Variants in NGEF observed in about 807,000 individuals in gnomAD.
NGEF encodes the protein ephexin-1.
A neutral mutation model predicts 80.9 loss-of-function variants in NGEF; 31 were observed. The ratio of observed to expected loss-of-function variants is 0.38; its 90% CI spans 0.29 to 0.52. NGEF has a LOEUF of 0.52. Among genes scored for constraint, NGEF ranks in the 20% least tolerant of loss-of-function variants. NGEF has a pLI of 0.84. For missense variants in NGEF, 709 were observed against 926.2 expected (o/e 0.77, Z 3.04); for synonymous variants, 371 against 370.2 (o/e 1.00, Z -0.03).
chr2:232,882,263 C>T lies in NGEF; in HGVS notation c.1760G>A (p.Ser587Asn), dbSNP rs1367292378. The part of the protein sequence containing the change: ...ATYMLKASSQ[S>N]EMKRWMTSLA... ...TGAGGTCATCCAACGCTTCATCTCACTCCTGGCACAGGGAAGAGGACAGTG... is the reference window on the plus strand; with the variant it reads ...TGAGGTCATCCAACGCTTCATCTCATTCCTGGCACAGGGAAGAGGACAGTG... Residue 587 changes from serine (S) to asparagine (N), a missense_variant and splice_region_variant, in exon 13 of 15, where the codon AGT (serine) becomes AAT (asparagine). Physicochemically the swap from Ser to Asn is conservative, Grantham distance 46. Coordinates refer to ENST00000264051, the MANE Select transcript of NGEF (RefSeq NM_019850.3). 5.0e-6 allele frequency: 8 copies of T among 1,613,402 alleles called. No homozygotes were observed. The highest frequency in any genetic ancestry group is 2.2e-5 in the East Asian group (1 of 44,870).
At chr2:232,982,352 C>A (rs1000940946) in intron 1 of NGEF, among the ~76,000 whole-genome samples, 3 of 152,152 alleles carry the variant, frequency 2.0e-5, no homozygotes, top group African/African-American at 4.8e-5. Context: ...TTGAACCTAC[C>A]ATCAAGGGGG....
chr2:232,927,865 C>T, intron 3 of NGEF: 3 of 1,250,786 alleles, frequency 2.4e-6, no homozygotes, highest in Non-Finnish European at 3.0e-6. Context: ...GGCGGCGCGC[C>T]GGGGCCGGGA....
intron 5 of NGEF, among the ~76,000 whole-genome samples, chr2:232,907,188 G>GAAA (rs10654316): frequency 0.14 from 16,196 of 112,972 alleles, 1,525 homozygotes; most frequent in Non-Finnish European, 0.19. Flanking sequence ...AGAAAAAAAA[G>GAAA]AAAAAAAAAA....
chr2:232,969,805 C>T lies in NGEF; in HGVS notation c.383+409G>A, dbSNP rs192158675. On this transcript the variant is annotated intron_variant, in intron 3 of 14. Transcript: ENST00000264051. ...CTGAGATTACAGGTGTGAGCCACCACGCCGGCTGTGATTTTTCTATTCTAT... is the reference window on the plus strand; with the variant it reads ...CTGAGATTACAGGTGTGAGCCACCATGCCGGCTGTGATTTTTCTATTCTAT... 1.4e-3 allele frequency among the ~76,000 whole-genome samples: 220 copies of T among 152,160 alleles called. 2 individuals are homozygous for T. Among genetic ancestry groups the T allele is most frequent in the Middle Eastern group, 0.014 (4 of 294 alleles).
chr2:233,012,925 G>C (rs1029677401), intron 1 of NGEF, 143 bp downstream of exon 1: 1 of 470,360 alleles, frequency 2.1e-6, no homozygotes, highest in South Asian at 1.6e-5. Context: ...GGAATCCAGG[G>C]CTGCTGTTTC....
intron 5 of NGEF, among the ~76,000 whole-genome samples, chr2:232,900,744 ACT>A (rs879656804): frequency 0.018 from 2,051 of 110,978 alleles, 67 homozygotes; most frequent in African/African-American, 0.036. Flanking sequence ...ATACACGTTC[ACT>A]CACATTCACT....
In NGEF at chr2:232,879,427, C is replaced by CCCA; in HGVS notation, c.*61_*62insTGG. On this transcript the variant is annotated 3_prime_UTR_variant, in exon 15 of 15. Transcript: ENST00000264051. ...TGGCCTGTGCTTCCCAGAGCCCCCC[C>CCCA]CCCCCCACCTTCTGTCGGGGTCTCA... 1 of 1,439,156 alleles carries CCCA rather than the reference C, an allele frequency of 6.9e-7. No individual in the cohort carries two copies. Among genetic ancestry groups the CCCA allele is most frequent in the South Asian group, 1.4e-5 (1 of 73,736 alleles). The allele number at this position is 1,439,156 out of a possible 1,614,324, so 89.1% of individuals were successfully genotyped here. A position where few individuals can be genotyped will look rare whatever the true frequency, so the allele number is the denominator to read the frequency against.
intron 3 of NGEF, among the ~76,000 whole-genome samples, chr2:232,948,147 A>ATATGTG (rs1553553128): frequency 0.026 from 3,710 of 141,642 alleles, 168 homozygotes; most frequent in African/African-American, 0.088. Context: ...TAGCCTGGAG[A>ATATGTG]TGTGTGTGTG....
intron 3 of NGEF, chr2:232,928,232 G>A: frequency 1.1e-6 from 1 of 942,952 alleles, no homozygotes; most frequent in Non-Finnish European, 1.3e-6. Context: ...CGCGGCGGGG[G>A]CGAGGCCGGG....
rs939273686 is a variant in NGEF at position 232,892,772 on chromosome 2, G to A, written c.1142+126C>T. Reference sequence around the variant, plus strand: ...TCCCTGGCCAACTCCGGTGGCTCATGTGGACCTTGGGAACGCAGAGGTAAA... The same window carrying A: ...TCCCTGGCCAACTCCGGTGGCTCATATGGACCTTGGGAACGCAGAGGTAAA... On this transcript the variant is annotated intron_variant, in intron 7 of 14. Transcript: ENST00000264051. The surrounding 1 kb of genome is among the most constrained non-coding windows in gnomAD (Gnocchi z 4.0). 6 of 1,073,898 alleles carry A rather than the reference G, an allele frequency of 5.6e-6. No individual in the cohort carries two copies. The African/African-American group carries it at 7.8e-5, about 14-fold the overall frequency. 66.5% of individuals were successfully genotyped at this position (1,073,898 alleles called of 1,614,324 possible).
chr2:232,984,665 C>T (rs1574653725), intron 1 of NGEF, among the ~76,000 whole-genome samples: 1 of 152,060 alleles, frequency 6.6e-6, no homozygotes, highest in Non-Finnish European at 1.5e-5. Flanking sequence ...AATGAGCCAT[C>T]GGTGTGGGTG....
rs749763136 is a variant in NGEF, at chr2:232,894,860, G to A, written c.885C>T (p.Leu295=). The A allele has an allele frequency of 7.3e-5, 118 of 1,610,794 alleles. No individual in the cohort carries two copies. Among genetic ancestry groups the A allele is most frequent in the Non-Finnish European group, 9.2e-5 (108 of 1,178,304 alleles). ...EASYYKSLNL[L]VSHFMENERI... is the part of the protein sequence containing the mutation. ...GCTCGTTCTCCATGAAGTGGGACAC[G>A]AGCAGGTTCAGACTCTTGTAGTAGG... Residue 295 remains leucine, a synonymous_variant, in exon 6 of 15, where the codon CTC becomes CTT. Transcript: ENST00000264051.
In NGEF at chr2:232,879,428, C is replaced by A. The variant is rs1051088616; in HGVS notation, c.*61G>T. On this transcript the variant is annotated 3_prime_UTR_variant, in exon 15 of 15. Coordinates refer to ENST00000264051, the MANE Select transcript of NGEF (RefSeq NM_019850.3). ...GGCCTGTGCTTCCCAGAGCCCCCCC[C>A]CCCCCACCTTCTGTCGGGGTCTCAT... 6.2e-6 allele frequency: 9 copies of A among 1,442,316 alleles called. No individual in the cohort carries two copies. The highest frequency in any genetic ancestry group is 1.3e-5 in the South Asian group (1 of 74,182). 89.3% of individuals were successfully genotyped at this position (1,442,316 alleles called of 1,614,324 possible). A position where few individuals can be genotyped will look rare whatever the true frequency, so the allele number is the denominator to read the frequency against.
At chr2:232,961,834 G>C (rs913073517) in intron 3 of NGEF, among the ~76,000 whole-genome samples, 2 of 152,198 alleles carry the variant, frequency 1.3e-5, no homozygotes, top group Non-Finnish European at 2.9e-5. Context: ...GGCCAGCTGA[G>C]ATGAATGGTC....
chr2:232,895,708 G>A (rs1458567392), intron 5 of NGEF, among the ~76,000 whole-genome samples: 2 of 152,148 alleles, frequency 1.3e-5, no homozygotes, highest in East Asian at 1.9e-4. Context: ...AGTGTCACGG[G>A]TGGAATCTGG....
chr2:232,922,542 A>T (rs1360181059), intron 4 of NGEF, among the ~76,000 whole-genome samples: 1 of 152,234 alleles, frequency 6.6e-6, no homozygotes, highest in African/African-American at 2.4e-5. Context: ...CTGACTGAAG[A>T]TCTATAAAGA....
intron 3 of NGEF, among the ~76,000 whole-genome samples, chr2:232,944,744 T>TATATATATATATATATAC (rs1553552745): frequency 1.8e-4 from 18 of 98,636 alleles, no homozygotes; most frequent in East Asian, 8.8e-4. Context: ...TATATATATA[T>TATATATATATATATATAC]ATATATATAT....
At chr2:232,952,270 T>C (rs1693693342) in intron 3 of NGEF, among the ~76,000 whole-genome samples, 1 of 152,200 alleles carries the variant, frequency 6.6e-6, no homozygotes, top group African/African-American at 2.4e-5. Flanking sequence ...GATGCAAGAA[T>C]TGTAGAGGAA....
intron 5 of NGEF, among the ~76,000 whole-genome samples, chr2:232,912,763 TATTTC>T (rs1242445486): frequency 6.6e-6 from 1 of 152,196 alleles, no homozygotes; most frequent in Non-Finnish European, 1.5e-5. Context: ...GGCACTGGTC[TATTTC>T]ATTTAAGTTG....
Sources: allele counts gnomAD v4.1 joint callset (sites outside exome capture counted in the v4.1 genomes callset), GRCh38; gene constraint gnomAD v4.1.1; non-coding constraint Gnocchi (gnomAD v3.1); transcripts MANE v1.5; gene names NCBI Gene and HGNC (gene_info 2026-07-23, HGNC 2026-07-21).